ABCB4: variants seen among roughly 807,000 people sequenced by gnomAD.
ABCB4 encodes the protein ATP binding cassette subfamily B member 4.
Under a neutral mutation model 145.7 loss-of-function variants are expected in ABCB4, and 76 were observed. That is an observed-to-expected ratio of 0.52 (90% CI 0.43 to 0.63). The LOEUF is 0.63. Ranked by LOEUF, ABCB4 falls within the 30% of genes least tolerant of loss-of-function variation. The probability of loss-of-function intolerance (pLI) is 0.00; values close to 1 mark genes in which losing one functional copy is unlikely to be tolerated. For missense variants in ABCB4, 1,234 were observed against 1,553.1 expected (o/e 0.79, Z 3.45); for synonymous variants, 517 against 566.8 (o/e 0.91, Z 1.25).
chr7:87,455,640 A>G (rs1227601573), intron 4 of ABCB4, among the ~76,000 whole-genome samples: 2 of 152,228 alleles, frequency 1.3e-5, no homozygotes, highest in East Asian at 1.9e-4. Flanking sequence ...AAATGAAAAA[A>G]TAAGAAACAG....
chr7:87,418,920 CA>C (rs913827741), intron 19 of ABCB4, among the ~76,000 whole-genome samples: 4 of 152,172 alleles, frequency 2.6e-5, no homozygotes, highest in Non-Finnish European at 5.9e-5. Flanking sequence ...TCCATTCACC[CA>C]ATCATCAGGT....
In ABCB4 at chr7:87,447,025, A is replaced by T. The variant is rs1386614497; in HGVS notation, c.1005+9T>A. On this transcript the variant is annotated intron_variant, in intron 9 of 27. Coordinates refer to ENST00000649586, the MANE Select transcript of ABCB4 (RefSeq NM_000443.4). ...CATATTCTTCATAAATGTTAGGAGA[A>T]CTACTTACTGTCATTGCATTTCCAA... The T allele has an allele frequency of 6.2e-7, 1 of 1,606,836 alleles. No homozygotes were observed. The highest frequency in any genetic ancestry group is 8.5e-7 in the Non-Finnish European group (1 of 1,173,586).
At chr7:87,375,793 T>C in the ABCB4 span, 1 of 1,612,708 alleles carries the variant, frequency 6.2e-7, no homozygotes, top group Middle Eastern at 1.7e-4. Context: ...TGTATTTCAG[T>C]TGTAATATTT....
At chr7:87,427,985 T>C (rs1255126105) in intron 15 of ABCB4, among the ~76,000 whole-genome samples, 1 of 152,128 alleles carries the variant, frequency 6.6e-6, no homozygotes, top group African/African-American at 2.4e-5. Context: ...CAGATTTATT[T>C]TCCTAAAGGG....
At chr7:87,438,051 A>G (rs1049024635) in intron 14 of ABCB4, among the ~76,000 whole-genome samples, 4 of 152,186 alleles carry the variant, frequency 2.6e-5, no homozygotes, top group African/African-American at 7.2e-5. Context: ...CATCTCCAAT[A>G]ATTCTATTCT....
At chr7:87,440,916 AT>A in intron 12 of ABCB4, among the ~76,000 whole-genome samples, 1 of 151,958 alleles carries the variant, frequency 6.6e-6, no homozygotes, top group Non-Finnish European at 1.5e-5. Flanking sequence ...AATTTTCTGT[AT>A]TTTTAGTAGA....
chr7:87,456,391 A>T (rs568889339), intron 4 of ABCB4, among the ~76,000 whole-genome samples: 1 of 152,288 alleles, frequency 6.6e-6, no homozygotes, highest in Non-Finnish European at 1.5e-5. Flanking sequence ...CAGATCCCAC[A>T]TGAATGGCTT....
the ABCB4 span, chr7:87,381,857 CA>C: frequency 1.6e-6 from 2 of 1,261,482 alleles, no homozygotes; most frequent in Non-Finnish European, 2.3e-6. Context: ...AATATTGGGT[CA>C]AGTTTTAAGT....
chr7:87,426,454 C>T (rs571642604), intron 16 of ABCB4, among the ~76,000 whole-genome samples: 1 of 152,220 alleles, frequency 6.6e-6, no homozygotes, highest in Non-Finnish European at 1.5e-5. Flanking sequence ...CGTTTTGGAC[C>T]AGTCTTATTA....
intron 5 of ABCB4, 55 bp from the exon 6 acceptor site, chr7:87,453,190 C>A (rs1485095841): frequency 4.5e-6 from 7 of 1,553,624 alleles, no homozygotes; most frequent in Non-Finnish European, 6.2e-6. Flanking sequence ...TTTTTCTTTT[C>A]TTTTCTTTTC....
At chr7:87,417,251 T>A (rs1415356529) in intron 21 of ABCB4, 61 bp downstream of exon 21, 1 of 1,497,846 alleles carries the variant, frequency 6.7e-7, no homozygotes, top group East Asian at 2.3e-5. Flanking sequence ...GATAAATAAT[T>A]CAAATAAAAC....
chr7:87,395,337 G>A, the ABCB4 span, among the ~76,000 whole-genome samples: 4 of 152,126 alleles, frequency 2.6e-5, no homozygotes, highest in Non-Finnish European at 5.9e-5. Flanking sequence ...CCAGATTAAC[G>A]GTGGGTCTGA....
chr7:87,385,462 G>T, the ABCB4 span, among the ~76,000 whole-genome samples: 27 of 151,910 alleles, frequency 1.8e-4, no homozygotes, highest in African/African-American at 5.3e-4. Flanking sequence ...ATTGTAAATG[G>T]GATTGCTTTC....
intron 14 of ABCB4, among the ~76,000 whole-genome samples, chr7:87,432,309 T>C (rs1156949325): frequency 1.3e-5 from 2 of 152,332 alleles, no homozygotes; most frequent in South Asian, 2.1e-4. Context: ...TTTCTGACAC[T>C]CATTAGCCCT....
At chr7:87,463,143 T>C (rs186017181) in intron 3 of ABCB4, among the ~76,000 whole-genome samples, 1 of 152,264 alleles carries the variant, frequency 6.6e-6, no homozygotes, top group African/African-American at 2.4e-5. Context: ...TTTGAATAAA[T>C]AATTACTATA....
At position 87,452,924 on chromosome 7, in the gene ABCB4, G is replaced by A; in HGVS notation, c.536+20C>T. On this transcript the variant is annotated intron_variant, in intron 6 of 27. Coordinates refer to ENST00000649586, the MANE Select transcript of ABCB4 (RefSeq NM_000443.4). ...GTAATTAATTTCTATATGAAAGTGT[G>A]ACATTAACAATGTACCTACTCTGTT... The A allele has an allele frequency of 6.2e-7, 1 of 1,608,988 alleles. No individual in the cohort carries two copies. The highest frequency in any genetic ancestry group is 1.3e-5 in the African/African-American group (1 of 74,954).
intron 15 of ABCB4, among the ~76,000 whole-genome samples, chr7:87,429,654 C>G (rs767431896): frequency 4.6e-5 from 7 of 152,136 alleles, no homozygotes; most frequent in Non-Finnish European, 8.8e-5. Context: ...GAAATTAAAA[C>G]TAAAATGGAT....
At chr7:87,404,998 C>T (rs1808074687) in intron 26 of ABCB4, among the ~76,000 whole-genome samples, 1 of 152,178 alleles carries the variant, frequency 6.6e-6, no homozygotes, top group African/African-American at 2.4e-5. Context: ...CCATACTGCT[C>T]CACAATTCTA....
At chr7:87,376,217 C>T in the ABCB4 span, among the ~76,000 whole-genome samples, 1 of 151,970 alleles carries the variant, frequency 6.6e-6, no homozygotes, top group Non-Finnish European at 1.5e-5. Context: ...CAGTGTTGCT[C>T]AACCTTTTCA....
Sources: allele counts gnomAD v4.1 joint callset (sites outside exome capture counted in the v4.1 genomes callset), GRCh38; gene constraint gnomAD v4.1.1; transcripts MANE v1.5; gene names NCBI Gene and HGNC (gene_info 2026-07-23, HGNC 2026-07-21).